DENND2A: variants seen among roughly 807,000 people sequenced by gnomAD.
DENND2A encodes the protein DENN domain-containing protein 2A.
A neutral mutation model predicts 105.3 loss-of-function variants in DENND2A; 53 were observed. That is an observed-to-expected ratio of 0.50 (90% CI 0.40 to 0.63). The LOEUF is 0.63. Ranked by LOEUF, DENND2A falls within the 30% of genes least tolerant of loss-of-function variation. DENND2A has a pLI of 0.00. For missense variants in DENND2A, 1,138 were observed against 1,279.6 expected (o/e 0.89, Z 1.69); for synonymous variants, 522 against 508.4 (o/e 1.03, Z -0.36).
chr7:140,602,381 A>G lies in DENND2A; in HGVS notation c.17T>C (p.Leu6Ser), dbSNP rs750486337. 6.3e-7 allele frequency: 1 copy of G among 1,577,014 alleles called. No individual in the cohort carries two copies. The highest frequency in any genetic ancestry group is 8.6e-7 in the Non-Finnish European group (1 of 1,165,280). ...AGCTGGGTCACTGATGATCATATCCAAGCTGAACATATCCATTCTTGACTC... is the reference window on the plus strand; with the variant it reads ...AGCTGGGTCACTGATGATCATATCCGAGCTGAACATATCCATTCTTGACTC... MDMFS[L>S]DMIISDPAAE... Residue 6 changes from leucine to serine, a missense_variant, in exon 3 of 20, where the codon TTG (leucine) becomes TCG (serine). Coordinates refer to ENST00000496613, the MANE Select transcript of DENND2A (RefSeq NM_015689.5).
At chr7:140,639,213 G>A (rs1412183537) in intron 1 of DENND2A, among the ~76,000 whole-genome samples, 1 of 152,002 alleles carries the variant, frequency 6.6e-6, no homozygotes, top group African/African-American at 2.4e-5. Flanking sequence ...TTAGCTGGGT[G>A]TGGTGGTGGG....
intron 9 of DENND2A, among the ~76,000 whole-genome samples, chr7:140,560,473 T>A (rs557505032): frequency 6.6e-6 from 1 of 152,248 alleles, no homozygotes; most frequent in South Asian, 2.1e-4. Flanking sequence ...TTTATGATAT[T>A]CTAGCACATC....
intron 8 of DENND2A, among the ~76,000 whole-genome samples, chr7:140,567,963 T>C (rs1797933240): frequency 6.6e-6 from 1 of 152,088 alleles, no homozygotes; most frequent in African/African-American, 2.4e-5. Context: ...TTTTTTGAGA[T>C]AGAGTCTCAC....
chr7:140,622,706 G>T (rs1253213979), intron 1 of DENND2A, among the ~76,000 whole-genome samples: 2 of 152,018 alleles, frequency 1.3e-5, no homozygotes, highest in Non-Finnish European at 2.9e-5. Context: ...CCTCTAGGGG[G>T]ACACTGAATA....
chr7:140,536,156 C>T (rs1429799772), intron 14 of DENND2A, among the ~76,000 whole-genome samples: 2 of 152,034 alleles, frequency 1.3e-5, no homozygotes, highest in Admixed American at 6.6e-5. Flanking sequence ...AGTTTGAGAC[C>T]AGCCTGGCCA....
chr7:140,577,399 CTTTT>C (rs60840763), intron 5 of DENND2A, among the ~76,000 whole-genome samples: 1 of 141,988 alleles, frequency 7.0e-6, no homozygotes. Context: ...AAAACTTTTT[CTTTT>C]TTTTTTTTTT....
intron 1 of DENND2A, among the ~76,000 whole-genome samples, chr7:140,618,040 A>C (rs1260666486): frequency 6.6e-6 from 1 of 152,214 alleles, no homozygotes; most frequent in African/African-American, 2.4e-5. Context: ...AAATAGAAGA[A>C]GTGCAATTTA....
chr7:140,554,990 A>C (rs1195207089), intron 12 of DENND2A, among the ~76,000 whole-genome samples: 1 of 152,224 alleles, frequency 6.6e-6, no homozygotes. Context: ...GCCAAAGCTC[A>C]TATGACAAAA....
Position 140,518,618 on chromosome 7 carries a change from C to A in DENND2A, c.*89G>T. ...GCCTCCAGTTCCGCACCGTGACAAC[C>A]TGGGACCCAGCCTTTCAGAAAGGCC... On this transcript the variant is annotated 3_prime_UTR_variant, in exon 20 of 20. Transcript: ENST00000496613. The A allele has an allele frequency of 1.4e-6, 2 of 1,437,700 alleles. No homozygotes were observed. The highest frequency in any genetic ancestry group is 4.6e-5 in the East Asian group (2 of 43,676). 89.1% of individuals were successfully genotyped at this position (1,437,700 alleles called of 1,614,324 possible).
intron 1 of DENND2A, among the ~76,000 whole-genome samples, chr7:140,617,369 C>T (rs960166341): frequency 5.9e-5 from 9 of 152,214 alleles, no homozygotes; most frequent in African/African-American, 9.7e-5. Flanking sequence ...GGAGCATCAA[C>T]GGAGTAATTT....
At chr7:140,530,326 CTTTTCCATTCCCCAA>C (rs1327170803) in intron 14 of DENND2A, among the ~76,000 whole-genome samples, 1 of 152,192 alleles carries the variant, frequency 6.6e-6, no homozygotes. Context: ...ACATAGCCTT[CTTTTCCATTCCCCAA>C]TTTGGGGGCC....
intron 1 of DENND2A, among the ~76,000 whole-genome samples, chr7:140,632,500 G>A (rs1328735502): frequency 6.6e-6 from 1 of 152,182 alleles, no homozygotes; most frequent in East Asian, 1.9e-4. Flanking sequence ...GTGGCCACAA[G>A]GTGCAGTTTG....
At chr7:140,553,114 G>A (rs1393037052) in intron 12 of DENND2A, among the ~76,000 whole-genome samples, 3 of 152,158 alleles carry the variant, frequency 2.0e-5, no homozygotes, top group Non-Finnish European at 4.4e-5. Flanking sequence ...CCAGCGTTCA[G>A]CATATGGAGG....
At chr7:140,532,079 A>G (rs546347412) in intron 14 of DENND2A, among the ~76,000 whole-genome samples, 197 of 152,148 alleles carry the variant, frequency 1.3e-3, no homozygotes, top group African/African-American at 4.5e-3. Context: ...CCTGGCCAAC[A>G]TGGTGAAACC....
intron 14 of DENND2A, among the ~76,000 whole-genome samples, chr7:140,538,744 G>A (rs775863145): frequency 4.2e-4 from 63 of 150,218 alleles, no homozygotes; most frequent in Non-Finnish European, 8.4e-4. Flanking sequence ...AACCTCAGGC[G>A]ATCCACCTGC....
intron 14 of DENND2A, among the ~76,000 whole-genome samples, chr7:140,530,101 G>A (rs1796208410): frequency 6.6e-6 from 1 of 151,416 alleles, no homozygotes; most frequent in African/African-American, 2.4e-5. Context: ...ACATGTGCCT[G>A]TGGTCCCAGC....
intron 6 of DENND2A, among the ~76,000 whole-genome samples, chr7:140,571,231 TCA>T (rs1395110261): frequency 6.6e-6 from 1 of 152,178 alleles, no homozygotes; most frequent in Non-Finnish European, 1.5e-5. Flanking sequence ...TGATCTTGGC[TCA>T]CCACAACCTC....
chr7:140,599,528 CTATAA>C (rs756864940), intron 3 of DENND2A, among the ~76,000 whole-genome samples: 22 of 151,974 alleles, frequency 1.4e-4, no homozygotes, highest in Non-Finnish European at 2.1e-4. Context: ...GAAGTGGTTA[CTATAA>C]TATAATTATC....
At chr7:140,579,117 A>G (rs1585677827) in intron 5 of DENND2A, among the ~76,000 whole-genome samples, 1 of 151,968 alleles carries the variant, frequency 6.6e-6, no homozygotes, top group Admixed American at 6.6e-5. Flanking sequence ...ACATGGTGAA[A>G]CCCCATCTCT....
Sources: gnomAD v4.1 joint callset for allele counts (sites outside exome capture counted in the v4.1 genomes callset) on GRCh38, gnomAD v4.1.1 for gene constraint, MANE v1.5 for transcripts, NCBI Gene and HGNC (gene_info 2026-07-23, HGNC 2026-07-21) for gene names.